Variants in PSG6 observed in about 807,000 individuals in gnomAD.
The protein encoded by PSG6 is pregnancy specific beta-1-glycoprotein 6, also known as pregnancy-specific beta-1-glycoprotein 6.
Under a neutral mutation model 43.3 loss-of-function variants are expected in PSG6, and 51 were observed. The observed-to-expected ratio is 1.18, with a 90% CI of 0.94 to 1.49. The LOEUF is 1.49. PSG6 is among the 40% of genes most tolerant of loss of function. The pLI is 0.00. For missense variants in PSG6, 770 were observed against 522.2 expected, an observed-to-expected ratio of 1.47 and a Z score of -4.62; for synonymous variants, 292 against 197.6, an observed-to-expected ratio of 1.48 and a Z score of -4.01.
chr19:42,906,030 T>C (rs185446730), intron 5 of PSG6, among the ~76,000 whole-genome samples: 1 of 151,698 alleles, frequency 6.6e-6, no homozygotes, highest in Non-Finnish European at 1.5e-5. Flanking sequence ...GCACACTTAG[T>C]TAATGGTAAG....
chr19:42,906,494 C>T lies in PSG6; in HGVS notation c.1240+428G>A, dbSNP rs763090394. On this transcript the variant is annotated intron_variant, in intron 5 of 5. Transcript: ENST00000187910. ...CCTCCCTCACCCAAAGGGCTTCCTC[C>T]TCTCATTTGGGGGAAAAGTGTGAGC... The T allele has an allele frequency of 1.4e-4, 173 of 1,229,220 alleles. 2 individuals are homozygous for T. The highest frequency in any genetic ancestry group is 1.7e-4 in the Non-Finnish European group (164 of 973,472). The allele number at this position is 1,229,220 out of a possible 1,614,324, so 76.1% of individuals were successfully genotyped here.
At chr19:42,913,662 T>C (rs950662742) in intron 2 of PSG6, among the ~76,000 whole-genome samples, 3 of 151,752 alleles carry the variant, frequency 2.0e-5, no homozygotes, top group Non-Finnish European at 4.4e-5. Flanking sequence ...GCTCCTATAA[T>C]TGCTCCTATA....
intron 1 of PSG6, among the ~76,000 whole-genome samples, chr19:42,917,074 T>C (rs1462639044): frequency 7.7e-6 from 1 of 129,252 alleles, no homozygotes; most frequent in African/African-American, 3.2e-5. Context: ...ATGCCCTGGG[T>C]GTTTTTTTTC....
intron 3 of PSG6, 196 bp from the exon 4 acceptor site, chr19:42,908,050 A>C: frequency 1.1e-6 from 1 of 933,368 alleles, no homozygotes; most frequent in East Asian, 2.7e-5. Context: ...TGTCTTAGGG[A>C]AGCACAGACT....
chr19:42,911,341 A>G (rs894350690), intron 2 of PSG6, among the ~76,000 whole-genome samples: 1 of 151,678 alleles, frequency 6.6e-6, no homozygotes, highest in Non-Finnish European at 1.5e-5. Flanking sequence ...TGGGTATTAG[A>G]AAGCCTGGCC....
chr19:42,917,199 T>G lies in PSG6; in HGVS notation c.64+530A>C, dbSNP rs1410843642. Among the ~76,000 whole-genome samples the G allele has an allele frequency of 3.3e-5, 5 of 151,364 alleles. No individual in the cohort carries two copies. In the East Asian group the frequency reaches 9.7e-4, roughly 29 times the overall value. ...TCATTTTTCAAAATGTGGTGGCCCC[T>G]GATGATTAATCAGGAAAACAGAACA... On this transcript the variant is annotated intron_variant, in intron 1 of 5. Coordinates refer to ENST00000187910, the MANE Select transcript of PSG6 (RefSeq NM_001031850.4).
chr19:42,906,387 T>G (rs189592811), intron 5 of PSG6, among the ~76,000 whole-genome samples: 1 of 151,326 alleles, frequency 6.6e-6, no homozygotes, highest in African/African-American at 2.4e-5. Context: ...ACATGTTGGT[T>G]CCACCCCAGG....
chr19:42,910,840 G>C lies in PSG6; in HGVS notation c.446C>G (p.Ser149Cys), dbSNP rs764787386. ...GGGGTTTAAGTTGCTGCTGGAGATG[G>C]AGGGCTTGGGAGTCTCCGCTGTGCA... ...VTLYSETPKPSISSSNLNPRE... is the reference protein window; with the variant it reads ...VTLYSETPKPCISSSNLNPRE... Residue 149 changes from serine (S) to cysteine (C), a missense_variant, in exon 3 of 6, where the codon TCC becomes TGC. Coordinates refer to ENST00000187910, the MANE Select transcript of PSG6 (RefSeq NM_001031850.4). 1 of 1,610,616 alleles carries C rather than the reference G, an allele frequency of 6.2e-7. No homozygotes were observed. The highest frequency in any genetic ancestry group is 8.5e-7 in the Non-Finnish European group (1 of 1,178,308).
intron 1 of PSG6, 139 bp downstream of exon 1, chr19:42,917,589 TC>T: frequency 7.5e-7 from 1 of 1,328,914 alleles, no homozygotes; most frequent in Non-Finnish European, 1.0e-6. Flanking sequence ...GATCTTGAAC[TC>T]CTGATCTCGT....
intron 2 of PSG6, among the ~76,000 whole-genome samples, chr19:42,911,826 G>A (rs1035427367): frequency 6.6e-6 from 1 of 151,564 alleles, no homozygotes; most frequent in Admixed American, 6.6e-5. Flanking sequence ...TTCTGAGTTT[G>A]ACTACTCTAT....
rs1254167219 is a variant in PSG6, at chr19:42,902,415, A to G, written c.1272T>C (p.His424=). ...AGTGTCTCTATTGTGGCAGCCATTA[A>G]TGAGACTCTGTCTGGTTTCCATGGC... The part of the protein sequence containing the change: ...GPCHGNQTES[H] The change falls in exon 6 of 6, where the codon CAT becomes CAC. Residue 424 remains histidine, a synonymous_variant. Transcript: ENST00000187910. The G allele has an allele frequency of 1.9e-6, 3 of 1,611,220 alleles. No individual in the cohort carries two copies. The highest frequency in any genetic ancestry group is 1.3e-5 in the African/African-American group (1 of 74,848).
At chr19:42,913,229 C>A (rs1384539249) in intron 2 of PSG6, among the ~76,000 whole-genome samples, 1 of 151,598 alleles carries the variant, frequency 6.6e-6, no homozygotes, top group Non-Finnish European at 1.5e-5. Flanking sequence ...CAGCTCACTG[C>A]AAGCTCCACC....
Position 42,910,769 on chromosome 19 carries a change from G to T in PSG6, c.517C>A (p.Pro173Thr), listed in dbSNP as rs771944921. 1 of 1,612,214 alleles carries T rather than the reference G, an allele frequency of 6.2e-7. No individual in the cohort carries two copies. The highest frequency in any genetic ancestry group is 1.3e-5 in the African/African-American group (1 of 74,710). ...AVRLICDPET[P>T]DASYLWLLNG... ...AGCAACCACAGGTAGCTTGCATCCG[G>T]AGTCTCAGGATCACAGATTAAGCGC... Residue 173 changes from proline to threonine, a missense_variant, in exon 3 of 6, where the codon CCG becomes ACG. Transcript: ENST00000187910.
At chr19:42,904,657 A>G (rs988167000) in intron 5 of PSG6, among the ~76,000 whole-genome samples, 4 of 151,788 alleles carry the variant, frequency 2.6e-5, no homozygotes, top group Non-Finnish European at 4.4e-5. Context: ...CAATAAATTG[A>G]AAGACATTTT....
chr19:42,907,661 C>G lies in PSG6; in HGVS notation c.900G>C (p.Thr300=). 1.9e-6 allele frequency: 3 copies of G among 1,611,310 alleles called. No individual in the cohort carries two copies. The highest frequency in any genetic ancestry group is 2.2e-5 in the South Asian group (2 of 90,772). The change falls in exon 4 of 6, where the codon ACG becomes ACC. Residue 300 remains threonine, a synonymous_variant. Transcript: ENST00000187910. ...ENRILILPSV[T]RNETGPYQCE... ...ATTGATAGGGTCCTGTTTCATTTCT[C>G]GTGACACTGGGTAGAATGAGTATCC...
rs780174423 is a variant in PSG6, at chr19:42,916,378, C to T, written c.174G>A (p.Leu58=). 2 of 1,612,136 alleles carry T rather than the reference C, an allele frequency of 1.2e-6. No homozygotes were observed. The highest frequency in any genetic ancestry group is 2.2e-5 in the East Asian group (1 of 44,772). ...GKDVLLLVHN[L]PQNLTGYIWY... ...AGATGTAGCCAGTAAGATTCTGGGG[C>T]AAATTGTGGACAAGTAGAAGAACAT... is the stretch of plus-strand genomic sequence containing the variant. The change falls in exon 2 of 6, where the codon TTG becomes TTA. Residue 58 remains leucine, a synonymous_variant. Coordinates refer to ENST00000187910, the MANE Select transcript of PSG6 (RefSeq NM_001031850.4).
chr19:42,908,639 T>A (rs1022493093), intron 3 of PSG6, among the ~76,000 whole-genome samples: 5 of 151,746 alleles, frequency 3.3e-5, no homozygotes, highest in Non-Finnish European at 2.9e-5. Context: ...ACCATGTGGA[T>A]CTTTCTAGAA....
At chr19:42,903,697 T>C (rs1457970019) in intron 5 of PSG6, 12 of 1,523,504 alleles carry the variant, frequency 7.9e-6, no homozygotes, top group African/African-American at 1.4e-5. Flanking sequence ...TGGACCAGCA[T>C]AGGTAACCTG....
rs534907623 is a variant in PSG6 at position 42,902,154 on chromosome 19, G to A, written c.*258C>T. 56 of 411,518 alleles carry A rather than the reference G, an allele frequency of 1.4e-4. 3 individuals are homozygous for A. The South Asian group carries it at 1.9e-3, about 14-fold the overall frequency. 25.5% of individuals were successfully genotyped at this position (411,518 alleles called of 1,614,324 possible). A position where few individuals can be genotyped will look rare whatever the true frequency, so the allele number is the denominator to read the frequency against. On this transcript the variant is annotated 3_prime_UTR_variant, in exon 6 of 6. Transcript: ENST00000187910. Reference sequence around the variant, plus strand: ...TCATGAATAGTTTCCCAATTCTGGGGCACTCAGATAGAGAGCAAAAGCAAA... The same window carrying A: ...TCATGAATAGTTTCCCAATTCTGGGACACTCAGATAGAGAGCAAAAGCAAA...
Sources: allele counts gnomAD v4.1 joint callset (sites outside exome capture counted in the v4.1 genomes callset), GRCh38; gene constraint gnomAD v4.1.1; transcripts MANE v1.5; gene names NCBI Gene and HGNC (gene_info 2026-07-23, HGNC 2026-07-21).